Variants in LDB2 observed in about 807,000 individuals in gnomAD.
The protein encoded by LDB2 is LIM domain binding 2, also known as LIM domain-binding protein 2.
In LDB2, 12 loss-of-function variants were observed where a neutral mutation model predicts 44.3. The ratio of observed to expected loss-of-function variants is 0.27; its 90% CI spans 0.17 to 0.44. The LOEUF is 0.44. LDB2 is among the 20% of genes least tolerant of loss of function. The pLI is 1.00. For missense variants in LDB2, 344 were observed against 473.5 expected (o/e 0.73, Z 2.54); for synonymous variants, 164 against 174.8 (o/e 0.94, Z 0.49).
chr4:16,693,327 T>C (rs1751256911), intron 2 of LDB2, among the ~76,000 whole-genome samples: 1 of 151,256 alleles, frequency 6.6e-6, no homozygotes, highest in Non-Finnish European at 1.5e-5. Flanking sequence ...ATGGGCTACT[T>C]GTTCCCTAGA....
chr4:16,812,631 ATGTG>A (rs5856389), intron 1 of LDB2, among the ~76,000 whole-genome samples: 138 of 126,044 alleles, frequency 1.1e-3, no homozygotes, highest in African/African-American at 2.8e-3. Context: ...TATTAAATAT[ATGTG>A]TGTGTGTGTG....
intron 2 of LDB2, among the ~76,000 whole-genome samples, chr4:16,758,434 C>T (rs1406250479): frequency 6.6e-6 from 1 of 152,192 alleles, no homozygotes; most frequent in African/African-American, 2.4e-5. Context: ...AAACACATCT[C>T]TCTCTGATCT....
chr4:16,803,549 A>C (rs1417852889), intron 1 of LDB2, among the ~76,000 whole-genome samples: 2 of 152,188 alleles, frequency 1.3e-5, no homozygotes, highest in Admixed American at 1.3e-4. Flanking sequence ...AAGCCTGTGC[A>C]CTCACCAAAT....
At chr4:16,877,157 G>T (rs1394171635) in intron 1 of LDB2, among the ~76,000 whole-genome samples, 3 of 152,180 alleles carry the variant, frequency 2.0e-5, no homozygotes, top group Admixed American at 2.0e-4. Context: ...GTTCGAAAAA[G>T]AAAATGATGT....
At chr4:16,709,973 G>C (rs749878986) in intron 2 of LDB2, among the ~76,000 whole-genome samples, 3 of 152,100 alleles carry the variant, frequency 2.0e-5, no homozygotes, top group Non-Finnish European at 4.4e-5. Context: ...AAGTAAGAGA[G>C]GCCATTTGAG....
chr4:16,502,923 C>T, intron 7 of LDB2, 50 bp from the exon 8 acceptor site: 2 of 1,607,628 alleles, frequency 1.2e-6, no homozygotes, highest in Middle Eastern at 1.7e-4. Context: ...GAGAGAGAAG[C>T]TCAGCTTAAA....
intron 2 of LDB2, among the ~76,000 whole-genome samples, chr4:16,620,807 G>A (rs997313223): frequency 2.6e-5 from 4 of 152,210 alleles, no homozygotes; most frequent in African/African-American, 9.7e-5. Context: ...GGGTGGGTAA[G>A]TCTACTTGTT....
chr4:16,609,354 G>GGGGA (rs1560620219), intron 2 of LDB2, among the ~76,000 whole-genome samples: 3 of 149,030 alleles, frequency 2.0e-5, no homozygotes, highest in Non-Finnish European at 4.5e-5. Context: ...GAGGGGGCGG[G>GGGGA]GGGGGGAGGG....
At chr4:16,860,895 C>T (rs1316256585) in intron 1 of LDB2, among the ~76,000 whole-genome samples, 1 of 150,204 alleles carries the variant, frequency 6.7e-6, no homozygotes, top group Non-Finnish European at 1.5e-5. Context: ...CTGAATACCC[C>T]AGGGGCATTC....
chr4:16,871,195 GTC>G (rs574673621), intron 1 of LDB2, among the ~76,000 whole-genome samples: 52 of 152,264 alleles, frequency 3.4e-4, no homozygotes, highest in Admixed American at 4.6e-4. Context: ...GGTTATTTAT[GTC>G]TGTTGCATGA....
intron 5 of LDB2, among the ~76,000 whole-genome samples, chr4:16,554,676 G>A (rs1738882902): frequency 6.6e-6 from 1 of 152,172 alleles, no homozygotes; most frequent in South Asian, 2.1e-4. Flanking sequence ...GCCTGAAAAG[G>A]CAACTGCATG....
chr4:16,591,782 A>T (rs936577078), intron 3 of LDB2, among the ~76,000 whole-genome samples: 31 of 152,360 alleles, frequency 2.0e-4, no homozygotes, highest in African/African-American at 7.5e-4. Context: ...GGCATAGCCT[A>T]TAAAAGGGAA....
chr4:16,558,559 G>A (rs1349642398), intron 5 of LDB2, among the ~76,000 whole-genome samples: 1 of 152,218 alleles, frequency 6.6e-6, no homozygotes, highest in African/African-American at 2.4e-5. Context: ...ATGGCACTAT[G>A]TGAAAAGACC....
chr4:16,513,278 C>T (rs749772170), intron 5 of LDB2, among the ~76,000 whole-genome samples: 4 of 152,170 alleles, frequency 2.6e-5, no homozygotes, highest in Non-Finnish European at 5.9e-5. Context: ...TCCTTGAAGA[C>T]ATAGTTACTT....
intron 5 of LDB2, among the ~76,000 whole-genome samples, chr4:16,527,964 GA>G (rs1402414684): frequency 1.3e-5 from 2 of 149,634 alleles, no homozygotes; most frequent in Non-Finnish European, 3.0e-5. Context: ...GAGGAAAAGT[GA>G]AAAAAAAGAA....
At chr4:16,642,990 G>A (rs908571341) in intron 2 of LDB2, among the ~76,000 whole-genome samples, 21 of 152,052 alleles carry the variant, frequency 1.4e-4, no homozygotes, top group Admixed American at 1.2e-3. Flanking sequence ...AGCAGGATTG[G>A]TTAAACACCT....
intron 1 of LDB2, among the ~76,000 whole-genome samples, chr4:16,828,311 G>T (rs1196846551): frequency 2.6e-5 from 4 of 152,228 alleles, no homozygotes; most frequent in African/African-American, 4.8e-5. Flanking sequence ...CAAGTCAAGC[G>T]GATGGACTCT....
At chr4:16,595,286 T>A (rs1720506392) in intron 3 of LDB2, among the ~76,000 whole-genome samples, 1 of 152,164 alleles carries the variant, frequency 6.6e-6, no homozygotes, top group South Asian at 2.1e-4. Flanking sequence ...GTTAGAGGAT[T>A]CTTCCCTTAT....
intron 2 of LDB2, among the ~76,000 whole-genome samples, chr4:16,647,434 T>C (rs1323439477): frequency 6.6e-6 from 1 of 152,198 alleles, no homozygotes; most frequent in Non-Finnish European, 1.5e-5. Context: ...AGCACATGAA[T>C]TATGTCTCAA....
Sources: gnomAD v4.1 joint callset for allele counts (sites outside exome capture counted in the v4.1 genomes callset) on GRCh38, gnomAD v4.1.1 for gene constraint, MANE v1.5 for transcripts, NCBI Gene and HGNC (gene_info 2026-07-23, HGNC 2026-07-21) for gene names.